Variants in CEP63 observed in about 807,000 individuals in gnomAD.
The protein encoded by CEP63 is centrosomal protein 63, also known as centrosomal protein of 63 kDa.
In CEP63, 84 loss-of-function variants were observed where a neutral mutation model predicts 89.1. The observed-to-expected ratio is 0.94, with a 90% CI of 0.79 to 1.13. The LOEUF (loss-of-function observed/expected upper bound fraction) is 1.13, where lower values mean the gene tolerates loss of function less well. Among genes scored for constraint, CEP63 ranks in the 50% most tolerant of loss-of-function variants. The pLI, the probability that CEP63 is intolerant of heterozygous loss-of-function variation, is 0.00. For synonymous variants in CEP63, 267 were observed against 272.5 expected, an observed-to-expected ratio of 0.98 and a Z score of 0.20; for missense variants, 838 against 813.3, an observed-to-expected ratio of 1.03 and a Z score of -0.37.
rs28702610 is a variant in CEP63 at position 134,547,605 on chromosome 3, T to G, written c.1067+133T>G. ...TTCTAGTATCCACAAATGGCCTAAG[T>G]TCTTATTTCTTTTTTTTTTTTTTTG... is the stretch of plus-strand genomic sequence containing the variant. On this transcript the variant is annotated intron_variant, in intron 9 of 14. Transcript: ENST00000675561. The G allele has an allele frequency of 0.59, 238,862 of 408,138 alleles. 75,143 individuals are homozygous for G. The highest frequency in any genetic ancestry group is 0.74 in the Admixed American group (16,676 of 22,542). 25.3% of individuals were successfully genotyped at this position (408,138 alleles called of 1,614,324 possible).
At chr3:134,633,598 C>A in the CEP63 span, among the ~76,000 whole-genome samples, 1 of 152,038 alleles carries the variant, frequency 6.6e-6, no homozygotes, top group Admixed American at 6.5e-5. Context: ...TAAAAGGGAA[C>A]TTTCTTAATC....
chr3:134,645,600 A>C, the CEP63 span, among the ~76,000 whole-genome samples: 1 of 152,360 alleles, frequency 6.6e-6, no homozygotes, highest in African/African-American at 2.4e-5. Flanking sequence ...CATGCATGCA[A>C]ACGTACCATT....
chr3:134,644,800 C>A, the CEP63 span, among the ~76,000 whole-genome samples: 2 of 152,218 alleles, frequency 1.3e-5, no homozygotes, highest in Non-Finnish European at 2.9e-5. Context: ...CTGACAGAGT[C>A]CTGCCCTGGA....
chr3:134,779,064 C>A, the CEP63 span, among the ~76,000 whole-genome samples: 1 of 152,156 alleles, frequency 6.6e-6, no homozygotes, highest in Non-Finnish European at 1.5e-5. Context: ...CTATCCATAT[C>A]TTTGTCTACA....
chr3:134,642,848 C>T, the CEP63 span, among the ~76,000 whole-genome samples: 1 of 152,152 alleles, frequency 6.6e-6, no homozygotes, highest in Admixed American at 6.5e-5. Flanking sequence ...TCTTGCTGGC[C>T]ATGTGATCTT....
chr3:134,532,953 A>G, intron 5 of CEP63, 53 bp downstream of exon 5: 6 of 1,598,226 alleles, frequency 3.8e-6, no homozygotes, highest in Non-Finnish European at 4.3e-6. Context: ...TCACGTAGGA[A>G]AATGCGGTTT....
the CEP63 span, among the ~76,000 whole-genome samples, chr3:134,666,024 G>C: frequency 6.6e-6 from 1 of 152,108 alleles, no homozygotes; most frequent in African/African-American, 2.4e-5. Flanking sequence ...TCAAGAGACA[G>C]AGAGAGTGAG....
chr3:134,518,239 A>G (rs996453107), intron 3 of CEP63, among the ~76,000 whole-genome samples: 2 of 152,188 alleles, frequency 1.3e-5, no homozygotes, highest in Non-Finnish European at 2.9e-5. Flanking sequence ...AATTAATACA[A>G]CAAGCAGAGA....
At chr3:134,686,371 C>T in the CEP63 span, among the ~76,000 whole-genome samples, 3 of 152,320 alleles carry the variant, frequency 2.0e-5, no homozygotes, top group African/African-American at 7.2e-5. Flanking sequence ...TGAGCATGCA[C>T]ACCTGTTTTT....
chr3:134,515,350 A>G (rs1405417760), intron 3 of CEP63, among the ~76,000 whole-genome samples: 1 of 152,244 alleles, frequency 6.6e-6, no homozygotes, highest in African/African-American at 2.4e-5. Context: ...TTAAATGTAA[A>G]TGCAGTAACT....
chr3:134,516,039 G>T (rs57008762), intron 3 of CEP63, among the ~76,000 whole-genome samples: 1 of 152,126 alleles, frequency 6.6e-6, no homozygotes, highest in African/African-American at 2.4e-5. Flanking sequence ...AAAGAAAAAA[G>T]GGGGCCCAGG....
At chr3:134,670,247 T>C in the CEP63 span, among the ~76,000 whole-genome samples, 32 of 152,156 alleles carry the variant, frequency 2.1e-4, no homozygotes, top group African/African-American at 7.7e-4. Flanking sequence ...ACAGAAAGTT[T>C]TACAAGCTAT....
At chr3:134,625,086 C>T in the CEP63 span, 1 of 1,602,548 alleles carries the variant, frequency 6.2e-7, no homozygotes, top group Non-Finnish European at 8.5e-7. Context: ...TCTCAAACTG[C>T]TGCAGGTCCA....
At chr3:134,767,481 C>T in the CEP63 span, among the ~76,000 whole-genome samples, 1 of 152,220 alleles carries the variant, frequency 6.6e-6, no homozygotes, top group Non-Finnish European at 1.5e-5. Flanking sequence ...ACTAGCAGGT[C>T]TCATTTTATG....
chr3:134,560,107 C>G (rs1384429287), intron 14 of CEP63, among the ~76,000 whole-genome samples: 1 of 152,232 alleles, frequency 6.6e-6, no homozygotes. Context: ...AATAAGTCCT[C>G]ACTTCACTTT....
the CEP63 span, among the ~76,000 whole-genome samples, chr3:134,658,733 G>A: frequency 1.3e-5 from 2 of 152,188 alleles, no homozygotes; most frequent in African/African-American, 4.8e-5. Flanking sequence ...AAGCTCTGAA[G>A]GCACCATCCT....
At chr3:134,657,093 T>G in the CEP63 span, among the ~76,000 whole-genome samples, 1 of 151,882 alleles carries the variant, frequency 6.6e-6, no homozygotes, top group Non-Finnish European at 1.5e-5. Flanking sequence ...GAAAAAGAGG[T>G]TTAATTGGAC....
At chr3:134,728,349 T>G in the CEP63 span, among the ~76,000 whole-genome samples, 1 of 152,192 alleles carries the variant, frequency 6.6e-6, no homozygotes, top group Non-Finnish European at 1.5e-5. Flanking sequence ...GTAATTTCAC[T>G]TCTAGAAATT....
chr3:134,508,450 A>G (rs3846056), intron 3 of CEP63, among the ~76,000 whole-genome samples: 100,209 of 152,062 alleles, frequency 0.66, 33,422 homozygotes, highest in East Asian at 0.81. Context: ...GGCAGGGTCA[A>G]TGTTCCTTTT....
Sources: gnomAD v4.1 joint callset for allele counts (sites outside exome capture counted in the v4.1 genomes callset) on GRCh38, gnomAD v4.1.1 for gene constraint, MANE v1.5 for transcripts, NCBI Gene and HGNC (gene_info 2026-07-23, HGNC 2026-07-21) for gene names.